The following MROH9 variants were observed in gnomAD, a reference collection of about 807,000 sequenced individuals.
MROH9 encodes the protein maestro heat like repeat family member 9.
MROH9 carries 92 observed loss-of-function variants against 98.2 expected under a neutral mutation model. The ratio of observed to expected loss-of-function variants is 0.94; its 90% CI spans 0.79 to 1.11. The LOEUF (loss-of-function observed/expected upper bound fraction) is 1.11, where lower values mean the gene tolerates loss of function less well. MROH9 is among the 50% of genes most tolerant of loss of function. The pLI, the probability that MROH9 is intolerant of heterozygous loss-of-function variation, is 0.00. For synonymous variants in MROH9, 397 were observed against 368.9 expected, an observed-to-expected ratio of 1.08 and a Z score of -0.87; for missense variants, 1,057 against 1,014.8, an observed-to-expected ratio of 1.04 and a Z score of -0.57.
At position 170,995,750 on chromosome 1, in the gene MROH9, A is replaced by G. The variant is rs115020166; in HGVS notation, c.1337+219A>G. On this transcript the variant is annotated intron_variant, in intron 13 of 21. Coordinates refer to ENST00000367759, the MANE Select transcript of MROH9 (RefSeq NM_001163629.2). ...CCTTCCCTGAGCATGTGTAGTATAT[A>G]AAGAGCCGTGACCACAGAACTCTGT... Among the ~76,000 whole-genome samples the G allele has an allele frequency of 4.8e-3, 733 of 152,282 alleles. 6 individuals are homozygous for G. The highest frequency in any genetic ancestry group is 0.017 in the African/African-American group (712 of 41,560).
rs1207727458 is a variant in MROH9, at chr1:171,012,739, A to G, written c.1597-1378A>G. On this transcript the variant is annotated intron_variant, in intron 15 of 21. Transcript: ENST00000367759. ...AGGATGGTCTCGATCTTCTGACATCATGATCCGCCCGCCTTGGCCTCCCAA... is the reference window on the plus strand; with the variant it reads ...AGGATGGTCTCGATCTTCTGACATCGTGATCCGCCCGCCTTGGCCTCCCAA... Among the ~76,000 whole-genome samples, 6 of 152,090 alleles carry G rather than the reference A, an allele frequency of 3.9e-5. No individual in the cohort carries two copies. The South Asian group carries it at 1.0e-3, about 26-fold the overall frequency.
chr1:170,953,847 AAGAAAG>A (rs1193386060), intron 3 of MROH9, among the ~76,000 whole-genome samples: 1 of 109,964 alleles, frequency 9.1e-6, no homozygotes, highest in Non-Finnish European at 1.9e-5. Context: ...GGAAGGAAGG[AAGAAAG>A]AGAAAGAAAG....
chr1:171,023,878 T>C (rs1316386143), intron 17 of MROH9, among the ~76,000 whole-genome samples: 2 of 152,200 alleles, frequency 1.3e-5, no homozygotes, highest in African/African-American at 2.4e-5. Context: ...AGAAACTTTG[T>C]ATCCTTTAAC....
At position 171,064,394 on chromosome 1, in the gene MROH9, T is replaced by G; in HGVS notation, c.*54T>G. 1 of 1,462,192 alleles carries G rather than the reference T, an allele frequency of 6.8e-7. No individual in the cohort carries two copies. 90.6% of individuals were successfully genotyped at this position (1,462,192 alleles called of 1,614,324 possible). On this transcript the variant is annotated 3_prime_UTR_variant, in exon 22 of 22. Transcript: ENST00000367759. ...ATAAACAATGGGAAGTCCAACAATG[T>G]CTTGGAGCTGACCTTAGAAGAAGAA...
At chr1:171,006,105 G>A (rs760123521) in intron 15 of MROH9, among the ~76,000 whole-genome samples, 1 of 152,166 alleles carries the variant, frequency 6.6e-6, no homozygotes, top group African/African-American at 2.4e-5. Context: ...TTTCTTGTAA[G>A]TTAGGTCTCA....
At chr1:171,004,411 T>C (rs1017275412) in intron 15 of MROH9, among the ~76,000 whole-genome samples, 1 of 150,236 alleles carries the variant, frequency 6.7e-6, no homozygotes, top group Admixed American at 6.7e-5. Flanking sequence ...CCCAGTGAAC[T>C]CCCAGGGCCT....
intron 17 of MROH9, among the ~76,000 whole-genome samples, chr1:171,018,033 C>A (rs144280213): frequency 3.3e-5 from 5 of 152,274 alleles, no homozygotes; most frequent in Non-Finnish European, 7.4e-5. Context: ...ACACCCCCTC[C>A]ACCAAGGGAC....
intron 10 of MROH9, among the ~76,000 whole-genome samples, chr1:170,988,413 A>G (rs1651230208): frequency 6.6e-6 from 1 of 152,228 alleles, no homozygotes; most frequent in African/African-American, 2.4e-5. Context: ...GGCAAGAGTC[A>G]TCTTACAAAA....
chr1:170,942,914 G>A (rs1649180291), intron 1 of MROH9, among the ~76,000 whole-genome samples: 1 of 152,120 alleles, frequency 6.6e-6, no homozygotes, highest in Non-Finnish European at 1.5e-5. Flanking sequence ...TTCTGCAGTA[G>A]CTCTAATGCT....
intron 17 of MROH9, among the ~76,000 whole-genome samples, chr1:171,020,073 T>C (rs1481802377): frequency 6.6e-6 from 1 of 152,062 alleles, no homozygotes; most frequent in East Asian, 1.9e-4. Context: ...CAGGAAGAAG[T>C]TGGATCCCTG....
At chr1:171,042,881 T>G (rs1290079312) in intron 20 of MROH9, among the ~76,000 whole-genome samples, 1 of 152,162 alleles carries the variant, frequency 6.6e-6, no homozygotes, top group East Asian at 1.9e-4. Context: ...TATATTCTGG[T>G]TATTAACCTC....
At chr1:170,986,778 GTATGTCCAC>G in intron 10 of MROH9, 68 bp downstream of exon 10, 1 of 1,459,526 alleles carries the variant, frequency 6.9e-7, no homozygotes, top group Admixed American at 2.0e-5. Context: ...TGCCTGTGTT[GTATGTCCAC>G]TTCTTTTTAT....
chr1:171,039,489 G>A (rs1215814549), intron 20 of MROH9, among the ~76,000 whole-genome samples: 2 of 152,054 alleles, frequency 1.3e-5, no homozygotes, highest in African/African-American at 2.4e-5. Context: ...CCAGTTGGTT[G>A]GAAAGAAACA....
intron 20 of MROH9, among the ~76,000 whole-genome samples, chr1:171,045,865 G>A (rs1187774716): frequency 6.6e-6 from 1 of 152,142 alleles, no homozygotes; most frequent in African/African-American, 2.4e-5. Context: ...CTGTCTAGAA[G>A]ATCTTTGCAA....
chr1:171,046,370 C>T (rs1310191538), intron 20 of MROH9, among the ~76,000 whole-genome samples: 1 of 152,106 alleles, frequency 6.6e-6, no homozygotes, highest in African/African-American at 2.4e-5. Flanking sequence ...TTTCTTTCTT[C>T]TTTCTTTCCT....
intron 20 of MROH9, among the ~76,000 whole-genome samples, chr1:171,044,040 T>C (rs1167790953): frequency 6.6e-6 from 1 of 152,200 alleles, no homozygotes; most frequent in Non-Finnish European, 1.5e-5. Flanking sequence ...ATTCTTGTCA[T>C]GTTCCAGATT....
chr1:171,062,323 T>C, intron 21 of MROH9, 129 bp downstream of exon 21: 1 of 639,130 alleles, frequency 1.6e-6, no homozygotes, highest in Non-Finnish European at 2.7e-6. Context: ...GTAGTAGTAG[T>C]TGGATAATTA....
chr1:171,031,361 A>C (rs1652904551), intron 20 of MROH9, among the ~76,000 whole-genome samples: 1 of 152,128 alleles, frequency 6.6e-6, no homozygotes, highest in African/African-American at 2.4e-5. Flanking sequence ...TAGTTGATGC[A>C]GTTTCTTCAT....
chr1:171,028,036 A>G (rs1652785509), intron 20 of MROH9, among the ~76,000 whole-genome samples: 1 of 152,136 alleles, frequency 6.6e-6, no homozygotes, highest in African/African-American at 2.4e-5. Context: ...GTTTAATTTA[A>G]TTAGACCCTA....
Sources: allele counts gnomAD v4.1 joint callset (sites outside exome capture counted in the v4.1 genomes callset), GRCh38; gene constraint gnomAD v4.1.1; transcripts MANE v1.5; gene names NCBI Gene and HGNC (gene_info 2026-07-23, HGNC 2026-07-21).